Variants in MYOCD observed in about 807,000 individuals in gnomAD.
MYOCD encodes the protein myocardin.
A neutral mutation model predicts 96.1 loss-of-function variants in MYOCD; 32 were observed. That is an observed-to-expected ratio of 0.33 (90% CI 0.25 to 0.45). MYOCD has a LOEUF of 0.45. MYOCD is among the 20% of genes least tolerant of loss of function. The pLI, the probability that MYOCD is intolerant of heterozygous loss-of-function variation, is 1.00. For missense variants in MYOCD, 1,133 were observed against 1,200.6 expected (o/e 0.94, Z 0.83); for synonymous variants, 469 against 469.0 (o/e 1.00, Z 0.00).
At chr17:12,672,436 A>G (rs1383037857) in intron 1 of MYOCD, among the ~76,000 whole-genome samples, 1 of 148,556 alleles carries the variant, frequency 6.7e-6, no homozygotes, top group Admixed American at 6.7e-5. Context: ...GTTTCAGAAT[A>G]GCTAGTAAGT....
intron 2 of MYOCD, among the ~76,000 whole-genome samples, chr17:12,708,455 G>A (rs539347657): frequency 4.0e-5 from 6 of 151,804 alleles, no homozygotes; most frequent in Non-Finnish European, 8.8e-5. Context: ...GTGCAGTAGC[G>A]TGATCTCGGC....
In MYOCD at chr17:12,764,763, A is replaced by AG. The variant is rs1167680980; in HGVS notation, c.*1123dup. ...TTTCTTTTTCTGCCTCCACATTGGGAGGGGAGGACTTCTCAGTTCTAACAA... is the reference window on the plus strand; with the variant it reads ...TTTCTTTTTCTGCCTCCACATTGGGAGGGGGAGGACTTCTCAGTTCTAACAA... On this transcript the variant is annotated 3_prime_UTR_variant, in exon 14 of 14. Transcript: ENST00000425538. The AG allele has an allele frequency of 2.0e-5, 3 of 151,872 alleles. No individual in the cohort carries two copies. The highest frequency in any genetic ancestry group is 4.4e-5 in the Non-Finnish European group (3 of 67,976). 9.4% of individuals were successfully genotyped at this position (151,872 alleles called of 1,614,324 possible).
At chr17:12,760,597 C>A in intron 12 of MYOCD, 53 bp from the exon 13 acceptor site, 1 of 1,441,978 alleles carries the variant, frequency 6.9e-7, no homozygotes, top group Non-Finnish European at 9.8e-7. Flanking sequence ...TGATTTCCTA[C>A]GGAGATAACC....
rs1474489083 is a variant in MYOCD at position 12,693,623 on chromosome 17, TAGAATAAAATAA to T, written c.56-11503_56-11492del. Among the ~76,000 whole-genome samples, 1,222 of 123,004 alleles carry T rather than the reference TAGAATAAAATAA, an allele frequency of 9.9e-3. 20 individuals carry two copies. The highest frequency in any genetic ancestry group is 0.031 in the African/African-American group (1,067 of 34,904). The allele number at this position is 123,004 out of a possible 152,430, so 80.7% of individuals were successfully genotyped here. A position where few individuals can be genotyped will look rare whatever the true frequency, so the allele number is the denominator to read the frequency against. Reference sequence around the variant, plus strand: ...AGACTCTGTCTCAAAAAAAATAAAATAGAATAAAATAAAATAAAATAAAATAAAATAAAATAA... The same window carrying T: ...AGACTCTGTCTCAAAAAAAATAAAATAATAAAATAAAATAAAATAAAATAA... On this transcript the variant is annotated intron_variant, in intron 1 of 13. Transcript: ENST00000425538.
intron 11 of MYOCD, 93 bp downstream of exon 11, chr17:12,756,650 C>CTCG: frequency 2.7e-6 from 3 of 1,102,910 alleles, no homozygotes; most frequent in South Asian, 1.5e-5. Context: ...GAGCCGAGAT[C>CTCG]GCACCACTGC....
At chr17:12,734,505 T>A (rs1327672727) in intron 5 of MYOCD, among the ~76,000 whole-genome samples, 1 of 21,878 alleles carries the variant, frequency 4.6e-5, no homozygotes, top group Admixed American at 4.3e-4. Context: ...CACATGATCC[T>A]TTTTTTTTTT....
intron 1 of MYOCD, among the ~76,000 whole-genome samples, chr17:12,700,724 G>A (rs537462131): frequency 2.1e-4 from 32 of 151,132 alleles, no homozygotes; most frequent in South Asian, 2.1e-3. Context: ...TATAAACTTC[G>A]TCTTCATTTG....
At chr17:12,680,380 A>G (rs558813871) in intron 1 of MYOCD, among the ~76,000 whole-genome samples, 5 of 152,336 alleles carry the variant, frequency 3.3e-5, no homozygotes, top group African/African-American at 1.2e-4. Context: ...ACTAAGGTAT[A>G]GAAACGGGAA....
Position 12,756,500 on chromosome 17 carries a change from C to G in MYOCD, c.2145C>G (p.Asp715Glu). 6.4e-7 allele frequency: 1 copy of G among 1,551,850 alleles called. No homozygotes were observed. The highest frequency in any genetic ancestry group is 8.7e-7 in the Non-Finnish European group (1 of 1,147,060). Residue 715 changes from aspartate to glutamate, a missense_variant, in exon 11 of 14, where the codon GAC becomes GAG. Coordinates refer to ENST00000425538, the MANE Select transcript of MYOCD (RefSeq NM_001146312.3). ...CGCCCTTCTCTGGAGCCCAAGCAGA[C>G]AGCAGTCATGGTGCCGGGGGAAACC... ...LHPPFSGAQA[D>E]SSHGAGGNPC...
At chr17:12,712,584 A>C (rs552809976) in intron 2 of MYOCD, among the ~76,000 whole-genome samples, 52 of 152,214 alleles carry the variant, frequency 3.4e-4, no homozygotes, top group African/African-American at 1.2e-3. Flanking sequence ...CTTTTTTCTA[A>C]GTTCTAAGTC....
chr17:12,761,726 C>A (rs550588033), intron 13 of MYOCD: 1 of 152,428 alleles, frequency 6.6e-6, no homozygotes, highest in Non-Finnish European at 1.5e-5. Context: ...TGGGATCAAG[C>A]GATTCTCCTG....
At chr17:12,757,311 A>G (rs2033040659) in intron 11 of MYOCD, among the ~76,000 whole-genome samples, 1 of 152,202 alleles carries the variant, frequency 6.6e-6, no homozygotes, top group African/African-American at 2.4e-5. Context: ...ACATACCACA[A>G]GTCGGAAGGG....
At chr17:12,670,882 G>C (rs1909670325) in intron 1 of MYOCD, among the ~76,000 whole-genome samples, 1 of 152,124 alleles carries the variant, frequency 6.6e-6, no homozygotes, top group East Asian at 1.9e-4. Flanking sequence ...AAAAGTTAAA[G>C]GAACATTTGG....
intron 10 of MYOCD, among the ~76,000 whole-genome samples, chr17:12,754,152 T>C (rs1237503572): frequency 6.6e-6 from 1 of 152,124 alleles, no homozygotes; most frequent in Non-Finnish European, 1.5e-5. Flanking sequence ...TCACCCAGGC[T>C]AGAGTGCAGT....
rs267604743 is a variant in MYOCD at position 12,752,659 on chromosome 17, G to A, written c.1371G>A (p.Pro457=). The A allele has an allele frequency of 6.8e-5, 109 of 1,613,778 alleles. 2 individuals carry two copies. The South Asian group carries it at 1.1e-3, about 16-fold the overall frequency. ...YHFGSTSSSP[P]ISPASSDLSV... ...TTGGCAGCACCAGCTCCAGCCCCCC[G>A]ATCTCCCCAGCCTCCTCTGACCTGT... The change falls in exon 10 of 14, where the codon CCG becomes CCA. Residue 457 remains proline (P), a synonymous_variant. Coordinates refer to ENST00000425538, the MANE Select transcript of MYOCD (RefSeq NM_001146312.3).
At chr17:12,709,775 A>G (rs539679124) in intron 2 of MYOCD, among the ~76,000 whole-genome samples, 5 of 152,300 alleles carry the variant, frequency 3.3e-5, no homozygotes, top group African/African-American at 7.2e-5. Flanking sequence ...TTCTCGTGGC[A>G]TTAGGACAGA....
chr17:12,676,243 A>ACGCG (rs948975993), intron 1 of MYOCD, among the ~76,000 whole-genome samples: 1 of 70,276 alleles, frequency 1.4e-5, no homozygotes, highest in Admixed American at 2.0e-4. Context: ...CTGCGCGCGC[A>ACGCG]CGCACACACA....
intron 12 of MYOCD, among the ~76,000 whole-genome samples, chr17:12,758,777 G>A (rs765419028): frequency 6.6e-5 from 10 of 152,188 alleles, no homozygotes; most frequent in Non-Finnish European, 1.5e-4. Context: ...GGCTGGGTCT[G>A]GTGGCTCACA....
At chr17:12,716,147 C>T (rs909197705) in intron 3 of MYOCD, among the ~76,000 whole-genome samples, 2 of 152,146 alleles carry the variant, frequency 1.3e-5, no homozygotes, top group Non-Finnish European at 1.5e-5. Flanking sequence ...CAAGTATCAA[C>T]ACTTTGAGTG....
Sources: allele counts gnomAD v4.1 joint callset (sites outside exome capture counted in the v4.1 genomes callset), GRCh38; gene constraint gnomAD v4.1.1; transcripts MANE v1.5; gene names NCBI Gene and HGNC (gene_info 2026-07-23, HGNC 2026-07-21).